The following ASPH variants were observed in gnomAD, a reference collection of about 807,000 sequenced individuals.
ASPH encodes the protein aspartyl/asparaginyl beta-hydroxylase.
In ASPH, 100 loss-of-function variants were observed where a neutral mutation model predicts 118.4. The ratio of observed to expected loss-of-function variants is 0.84; its 90% CI spans 0.72 to 1.00. ASPH has a LOEUF of 1.00. Ranked by LOEUF, ASPH falls within the 50% of genes least tolerant of loss-of-function variation. The pLI is 0.00. For synonymous variants in ASPH, 315 were observed against 325.6 expected (o/e 0.97, Z 0.35); for missense variants, 920 against 919.5 (o/e 1.00, Z -0.01).
chr8:61,509,014 C>T (rs1040986615), intron 24 of ASPH, among the ~76,000 whole-genome samples: 1 of 152,052 alleles, frequency 6.6e-6, no homozygotes, highest in African/African-American at 2.4e-5. Context: ...ACTTCTTCTT[C>T]TCTCTCTCCC....
intron 24 of ASPH, 91 bp from the exon 25 acceptor site, chr8:61,503,600 T>G (rs1805341111): frequency 7.7e-7 from 1 of 1,303,372 alleles, no homozygotes; most frequent in South Asian, 1.6e-5. Flanking sequence ...GAACTACCTT[T>G]GGTAACAACC....
intron 21 of ASPH, among the ~76,000 whole-genome samples, chr8:61,543,343 C>T (rs1257634895): frequency 6.6e-6 from 1 of 152,116 alleles, no homozygotes; most frequent in Non-Finnish European, 1.5e-5. Flanking sequence ...TCTTAAAGAA[C>T]CTATTTCCAA....
At chr8:61,701,098 C>T (rs1321099621) in intron 1 of ASPH, among the ~76,000 whole-genome samples, 1 of 152,146 alleles carries the variant, frequency 6.6e-6, no homozygotes, top group African/African-American at 2.4e-5. Flanking sequence ...TCAGAGGTGG[C>T]CCCACTGTTC....
intron 22 of ASPH, among the ~76,000 whole-genome samples, chr8:61,520,026 A>T (rs1334258676): frequency 6.6e-6 from 1 of 152,198 alleles, no homozygotes; most frequent in Non-Finnish European, 1.5e-5. Context: ...CTAGGACTAT[A>T]TTAGTTGCCA....
chr8:61,648,906 T>C (rs1236697527), intron 5 of ASPH, among the ~76,000 whole-genome samples: 1 of 152,116 alleles, frequency 6.6e-6, no homozygotes, highest in African/African-American at 2.4e-5. Flanking sequence ...AAGATGTGAT[T>C]GGGCGGGGTG....
At chr8:61,642,579 T>C (rs1363943232) in intron 10 of ASPH, among the ~76,000 whole-genome samples, 2 of 152,166 alleles carry the variant, frequency 1.3e-5, no homozygotes, top group Admixed American at 1.3e-4. Context: ...TAGAAAGCAT[T>C]TGCAGGCCGG....
intron 20 of ASPH, among the ~76,000 whole-genome samples, chr8:61,550,442 TACACACACACACACAC>T (rs34577657): frequency 1.4e-4 from 20 of 147,688 alleles, no homozygotes; most frequent in Non-Finnish European, 2.2e-4. Context: ...CACATGTACA[TACACACACACACACAC>T]ACACACACAC....
At chr8:61,631,991 C>T (rs1855827774) in intron 13 of ASPH, 1 of 153,342 alleles carries the variant, frequency 6.5e-6, no homozygotes, top group Non-Finnish European at 1.5e-5. Context: ...ACAGATGTCA[C>T]AGCCAGATGG....
At chr8:61,648,741 T>C (rs1809347041) in intron 5 of ASPH, among the ~76,000 whole-genome samples, 3 of 152,302 alleles carry the variant, frequency 2.0e-5, no homozygotes, top group Middle Eastern at 3.4e-3. Context: ...AGCTGTTATA[T>C]CCTCCCTGTG....
chr8:61,642,148 A>G (rs542083344), intron 10 of ASPH, among the ~76,000 whole-genome samples: 1 of 152,288 alleles, frequency 6.6e-6, no homozygotes, highest in East Asian at 1.9e-4. Context: ...ATTTGCCAGA[A>G]CTGTTTTCTC....
At chr8:61,543,568 T>C (rs982742767) in intron 21 of ASPH, among the ~76,000 whole-genome samples, 1 of 152,228 alleles carries the variant, frequency 6.6e-6, no homozygotes, top group Non-Finnish European at 1.5e-5. Context: ...TATTAAAACA[T>C]ACTGACGATA....
chr8:61,625,807 AAC>A, intron 13 of ASPH: 6 of 987,040 alleles, frequency 6.1e-6, no homozygotes, highest in Non-Finnish European at 6.0e-6. Flanking sequence ...TAAGAGTGCT[AAC>A]ACAAAGTACT....
chr8:61,557,678 C>T (rs1012837093), intron 18 of ASPH, among the ~76,000 whole-genome samples: 1 of 152,188 alleles, frequency 6.6e-6, no homozygotes, highest in Non-Finnish European at 1.5e-5. Flanking sequence ...TTGCTCATCC[C>T]CACTGCCTGT....
At chr8:61,604,257 T>C (rs889331678) in intron 14 of ASPH, among the ~76,000 whole-genome samples, 3 of 152,092 alleles carry the variant, frequency 2.0e-5, no homozygotes, top group Non-Finnish European at 4.4e-5. Flanking sequence ...ACTCCCTGGA[T>C]GTGATATACA....
chr8:61,515,523 G>A (rs17200553), intron 24 of ASPH, among the ~76,000 whole-genome samples: 1 of 151,882 alleles, frequency 6.6e-6, no homozygotes, highest in Non-Finnish European at 1.5e-5. Flanking sequence ...GTCATCCTTC[G>A]ATTGTCTCAA....
chr8:61,543,272 G>T (rs191899856), intron 21 of ASPH, among the ~76,000 whole-genome samples: 264 of 152,166 alleles, frequency 1.7e-3, no homozygotes, highest in African/African-American at 6.2e-3. Context: ...TGGTACACTT[G>T]ATCGTGCTCC....
At chr8:61,713,593 C>G (rs1838599752) in intron 1 of ASPH, among the ~76,000 whole-genome samples, 1 of 152,192 alleles carries the variant, frequency 6.6e-6, no homozygotes, top group Admixed American at 6.5e-5. Context: ...GTTCTCTCTG[C>G]TGGATATGCA....
intron 14 of ASPH, among the ~76,000 whole-genome samples, chr8:61,610,291 A>G (rs1483746339): frequency 2.6e-5 from 4 of 152,232 alleles, no homozygotes; most frequent in African/African-American, 7.2e-5. Flanking sequence ...CTAAATTATC[A>G]CATGTACTAC....
At chr8:61,624,490 T>C (rs1216090844) in intron 13 of ASPH, 6 of 968,272 alleles carry the variant, frequency 6.2e-6, no homozygotes, top group Non-Finnish European at 7.4e-6. Flanking sequence ...GATTTTATTA[T>C]GTAACAAATT....
Sources: gnomAD v4.1 joint callset for allele counts (sites outside exome capture counted in the v4.1 genomes callset) on GRCh38, gnomAD v4.1.1 for gene constraint, MANE v1.5 for transcripts, NCBI Gene and HGNC (gene_info 2026-07-23, HGNC 2026-07-21) for gene names.